The following PTPRM variants were observed in gnomAD, a reference collection of about 807,000 sequenced individuals.
PTPRM encodes protein tyrosine phosphatase receptor type M.
Under a neutral mutation model 186.7 loss-of-function variants are expected in PTPRM, and 47 were observed. The observed-to-expected ratio is 0.25, with a 90% CI of 0.20 to 0.32. The LOEUF is 0.32. Ranked by LOEUF, PTPRM falls within the 10% of genes least tolerant of loss-of-function variation. PTPRM has a pLI of 1.00. For missense variants in PTPRM, 1,494 were observed against 1,865.0 expected (o/e 0.80, Z 3.66); for synonymous variants, 668 against 674.9 (o/e 0.99, Z 0.16).
At chr18:7,679,914 G>A (rs2039441866) in intron 1 of PTPRM, among the ~76,000 whole-genome samples, 1 of 152,032 alleles carries the variant, frequency 6.6e-6, no homozygotes, top group Non-Finnish European at 1.5e-5. Context: ...CACTCAGGCT[G>A]GAGTGCAGTG....
At chr18:7,699,266 A>T (rs920935763) in intron 1 of PTPRM, among the ~76,000 whole-genome samples, 1 of 152,202 alleles carries the variant, frequency 6.6e-6, no homozygotes, top group African/African-American at 2.4e-5. Context: ...GCTGCTTTAA[A>T]TACTCATTAG....
intron 14 of PTPRM, among the ~76,000 whole-genome samples, chr18:8,169,714 T>TGCTG (rs1181001847): frequency 6.6e-6 from 1 of 152,174 alleles, no homozygotes; most frequent in Non-Finnish European, 1.5e-5. Context: ...ATGGATTGAT[T>TGCTG]GCTGATGAGA....
At chr18:8,366,034 G>T (rs2095627151) in intron 23 of PTPRM, among the ~76,000 whole-genome samples, 9 of 152,170 alleles carry the variant, frequency 5.9e-5, no homozygotes, top group Admixed American at 5.9e-4. Context: ...TCCCACCCCA[G>T]AAATTATGAT....
At chr18:8,399,959 A>G (rs2095863502) in intron 32 of PTPRM, 1 of 152,250 alleles carries the variant, frequency 6.6e-6, no homozygotes. Context: ...GATGGTCATA[A>G]CCCTTCGCTG....
intron 2 of PTPRM, among the ~76,000 whole-genome samples, chr18:7,846,975 G>C (rs1466796648): frequency 6.6e-6 from 1 of 151,612 alleles, no homozygotes; most frequent in African/African-American, 2.4e-5. Context: ...GACTATCACT[G>C]TATTTTGAAG....
intron 1 of PTPRM, among the ~76,000 whole-genome samples, chr18:7,676,015 G>T (rs940566456): frequency 6.6e-6 from 1 of 152,138 alleles, no homozygotes; most frequent in Admixed American, 6.5e-5. Context: ...CGGATTACAG[G>T]TGTGAGCCAC....
intron 19 of PTPRM, among the ~76,000 whole-genome samples, chr18:8,286,371 G>A (rs2147789707): frequency 6.6e-6 from 1 of 152,284 alleles, no homozygotes; most frequent in South Asian, 2.1e-4. Flanking sequence ...GATTCCCAAG[G>A]GTGGCTGGAA....
At chr18:7,895,568 A>G (rs1010033655) in intron 3 of PTPRM, among the ~76,000 whole-genome samples, 2 of 152,174 alleles carry the variant, frequency 1.3e-5, no homozygotes, top group African/African-American at 2.4e-5. Context: ...GTTTGACTGC[A>G]TCTCAAGGAC....
At position 8,170,622 on chromosome 18, in the gene PTPRM, A is replaced by G. The variant is rs73389781; in HGVS notation, c.2300+26843A>G. Among the ~76,000 whole-genome samples, 716 of 152,276 alleles carry G rather than the reference A, an allele frequency of 4.7e-3. 5 individuals carry two copies. The highest frequency in any genetic ancestry group is 0.016 in the African/African-American group (672 of 41,558). On this transcript the variant is annotated intron_variant, in intron 14 of 32. Transcript: ENST00000580170. ...CCTTTCTGTGTATTCTTACAAATAA[A>G]TGTTAAGACTCATGGCCTGGGGAAG... is the stretch of plus-strand genomic sequence containing the variant.
At chr18:8,224,231 T>TC (rs79804482) in intron 14 of PTPRM, among the ~76,000 whole-genome samples, 30,192 of 152,152 alleles carry the variant, frequency 0.2, 3,361 homozygotes, top group African/African-American at 0.3. Context: ...CTTCTAAGAA[T>TC]CATGCAACTG....
At chr18:7,751,745 C>T (rs1430854396) in intron 1 of PTPRM, among the ~76,000 whole-genome samples, 3 of 152,206 alleles carry the variant, frequency 2.0e-5, no homozygotes, top group Non-Finnish European at 1.5e-5. Flanking sequence ...CACTACCAGG[C>T]ACCTAATATA....
intron 14 of PTPRM, among the ~76,000 whole-genome samples, chr18:8,175,304 A>G (rs2093464557): frequency 6.6e-6 from 1 of 152,184 alleles, no homozygotes; most frequent in South Asian, 2.1e-4. Flanking sequence ...GCAATAGTGT[A>G]AAATAAGGAA....
At chr18:7,640,605 C>T (rs2038421824) in intron 1 of PTPRM, among the ~76,000 whole-genome samples, 1 of 151,892 alleles carries the variant, frequency 6.6e-6, no homozygotes, top group African/African-American at 2.4e-5. Context: ...CATCCTTATT[C>T]CTAAGGATGT....
chr18:8,361,509 TAAAC>T (rs2095597166), intron 23 of PTPRM, among the ~76,000 whole-genome samples: 1 of 152,182 alleles, frequency 6.6e-6, no homozygotes, highest in Non-Finnish European at 1.5e-5. Flanking sequence ...CTCCAGATAA[TAAAC>T]AAACTTAAAA....
intron 23 of PTPRM, among the ~76,000 whole-genome samples, chr18:8,355,884 G>A (rs376914137): frequency 2.6e-5 from 4 of 152,328 alleles, no homozygotes; most frequent in South Asian, 2.1e-4. Context: ...TAGTCAAGGC[G>A]CTGATGCTAA....
chr18:7,794,633 G>A (rs557085653), intron 2 of PTPRM, among the ~76,000 whole-genome samples: 10 of 152,242 alleles, frequency 6.6e-5, no homozygotes, highest in Non-Finnish European at 1.2e-4. Context: ...TCATCATATC[G>A]CCAAACCTGC....
At chr18:8,383,722 T>C (rs1186357726) in intron 29 of PTPRM, among the ~76,000 whole-genome samples, 1 of 151,560 alleles carries the variant, frequency 6.6e-6, no homozygotes, top group East Asian at 1.9e-4. Context: ...GCTGCAAGGG[T>C]TTGGACTGGA....
intron 19 of PTPRM, among the ~76,000 whole-genome samples, chr18:8,289,577 CATATATATAT>C (rs753067953): frequency 0.08 from 9,286 of 116,648 alleles, 819 homozygotes; most frequent in Middle Eastern, 0.15. Context: ...TATATATATA[CATATATATAT>C]ACACATATAT....
intron 7 of PTPRM, among the ~76,000 whole-genome samples, chr18:7,964,444 T>G (rs557181215): frequency 1.2e-4 from 18 of 152,276 alleles, no homozygotes; most frequent in East Asian, 7.7e-4. Context: ...TCAGTGTTTT[T>G]TTGTTGTTGT....
Sources: gnomAD v4.1 joint callset for allele counts (sites outside exome capture counted in the v4.1 genomes callset) on GRCh38, gnomAD v4.1.1 for gene constraint, MANE v1.5 for transcripts, NCBI Gene and HGNC (gene_info 2026-07-23, HGNC 2026-07-21) for gene names.